The following CALD1 variants were observed in gnomAD, a reference collection of about 807,000 sequenced individuals.
The protein encoded by CALD1 is caldesmon 1.
CALD1 carries 33 observed loss-of-function variants against 99.9 expected under a neutral mutation model. The observed-to-expected ratio is 0.33, with a 90% CI of 0.25 to 0.44. The LOEUF (loss-of-function observed/expected upper bound fraction) is 0.44, where lower values mean the gene tolerates loss of function less well. Ranked by LOEUF, CALD1 falls within the 20% of genes least tolerant of loss-of-function variation. The probability of loss-of-function intolerance (pLI) is 1.00; values close to 1 mark genes in which losing one functional copy is unlikely to be tolerated. For synonymous variants in CALD1, 310 were observed against 325.0 expected (o/e 0.95, Z 0.50); for missense variants, 861 against 962.1 (o/e 0.89, Z 1.39).
At chr7:134,808,505 C>T (rs1038048056) in intron 1 of CALD1, among the ~76,000 whole-genome samples, 2 of 152,200 alleles carry the variant, frequency 1.3e-5, no homozygotes, top group Non-Finnish European at 2.9e-5. Flanking sequence ...GCAGAGCCAG[C>T]TCATGTTCTA....
intron 3 of CALD1, among the ~76,000 whole-genome samples, chr7:134,901,885 A>G (rs1442259088): frequency 2.6e-5 from 4 of 152,106 alleles, no homozygotes; most frequent in African/African-American, 9.7e-5. Flanking sequence ...GGCTCATCCT[A>G]ATGACCTCAT....
intron 2 of CALD1, among the ~76,000 whole-genome samples, chr7:134,857,486 A>G (rs1440658746): frequency 2.0e-5 from 3 of 151,990 alleles, no homozygotes; most frequent in East Asian, 3.9e-4. Context: ...GCAGGCCCCA[A>G]CTGTGAGCCA....
At chr7:134,965,571 T>A (rs1293037543) in intron 14 of CALD1, 185 bp downstream of exon 14, 1 of 511,610 alleles carries the variant, frequency 2.0e-6, no homozygotes, top group Non-Finnish European at 3.5e-6. Context: ...TTGTCAGTCA[T>A]ACAACATAAA....
chr7:134,943,347 A>G (rs1204878112), intron 7 of CALD1, among the ~76,000 whole-genome samples: 4 of 152,196 alleles, frequency 2.6e-5, no homozygotes, highest in Non-Finnish European at 4.4e-5. Context: ...CGATTTCCAC[A>G]TTAAGTGGCA....
intron 1 of CALD1, among the ~76,000 whole-genome samples, chr7:134,843,422 C>T (rs576533225): frequency 2.0e-4 from 31 of 152,158 alleles, no homozygotes; most frequent in Non-Finnish European, 3.4e-4. Context: ...AGTGACTCTG[C>T]CATTCATTTT....
intron 1 of CALD1, among the ~76,000 whole-genome samples, chr7:134,811,726 A>G (rs1185431381): frequency 6.6e-6 from 1 of 152,168 alleles, no homozygotes; most frequent in Non-Finnish European, 1.5e-5. Context: ...TAAACAAATT[A>G]TTGTAGGTGG....
At chr7:134,750,387 C>G (rs1037652067) in intron 1 of CALD1, among the ~76,000 whole-genome samples, 1 of 152,152 alleles carries the variant, frequency 6.6e-6, no homozygotes, top group South Asian at 2.1e-4. Context: ...GAGGTCACAA[C>G]TTTATAAGTG....
chr7:134,855,603 G>A (rs1212731955), intron 2 of CALD1, among the ~76,000 whole-genome samples: 1 of 152,224 alleles, frequency 6.6e-6, no homozygotes, highest in Admixed American at 6.5e-5. Context: ...CCACAGGGTT[G>A]ACTACTTGTA....
chr7:134,900,112 T>G (rs1467300163), intron 3 of CALD1: 1 of 151,400 alleles, frequency 6.6e-6, no homozygotes, highest in Non-Finnish European at 1.5e-5. Flanking sequence ...AGAAAATAAT[T>G]CCCTTTTGTC....
chr7:134,738,210 C>T, the CALD1 span, among the ~76,000 whole-genome samples: 236 of 152,286 alleles, frequency 1.5e-3, 1 homozygote, highest in Non-Finnish European at 2.9e-3. Flanking sequence ...TGACTCACTC[C>T]AATTCTGCGG....
chr7:134,921,992 A>G (rs1019975782), intron 3 of CALD1, among the ~76,000 whole-genome samples: 1 of 152,208 alleles, frequency 6.6e-6, no homozygotes, highest in African/African-American at 2.4e-5. Context: ...AAATGATGAA[A>G]ATAAAGGTAT....
chr7:134,901,978 G>T (rs1370383978), intron 3 of CALD1, among the ~76,000 whole-genome samples: 1 of 151,958 alleles, frequency 6.6e-6, no homozygotes, highest in African/African-American at 2.4e-5. Context: ...CATATATTTG[G>T]AGGTGGAGTA....
intron 1 of CALD1, among the ~76,000 whole-genome samples, chr7:134,753,575 C>T (rs1796703076): frequency 6.6e-6 from 1 of 152,196 alleles, no homozygotes; most frequent in Non-Finnish European, 1.5e-5. Context: ...TCTTAAAGCA[C>T]ACCAGGTAAG....
intron 7 of CALD1, among the ~76,000 whole-genome samples, chr7:134,945,029 T>C (rs552070221): frequency 6.6e-6 from 1 of 152,366 alleles, no homozygotes; most frequent in South Asian, 2.1e-4. Flanking sequence ...CATCTTTTTA[T>C]AGTTGTGTAA....
chr7:134,872,648 G>A (rs1224208204), intron 3 of CALD1, among the ~76,000 whole-genome samples: 1 of 152,056 alleles, frequency 6.6e-6, no homozygotes, highest in Non-Finnish European at 1.5e-5. Flanking sequence ...TATTCTAAGG[G>A]TATTAGTAAC....
At chr7:134,944,432 C>T (rs946547297) in intron 7 of CALD1, 1 of 149,768 alleles carries the variant, frequency 6.7e-6, no homozygotes, top group Non-Finnish European at 1.5e-5. Context: ...TTACAATCTA[C>T]TAAATTGATT....
intron 3 of CALD1, among the ~76,000 whole-genome samples, chr7:134,918,746 A>T (rs1804400332): frequency 1.3e-5 from 2 of 152,234 alleles, no homozygotes. Flanking sequence ...CCTGTAACCC[A>T]GAACTTTGGG....
chr7:134,877,179 GAAAAGC>G (rs1801391034), intron 3 of CALD1, among the ~76,000 whole-genome samples: 1 of 152,194 alleles, frequency 6.6e-6, no homozygotes, highest in African/African-American at 2.4e-5. Context: ...GGCGCTCTCA[GAAAAGC>G]CCTCTCTGGG....
At chr7:134,893,005 G>T (rs758723326) in intron 3 of CALD1, among the ~76,000 whole-genome samples, 2 of 152,120 alleles carry the variant, frequency 1.3e-5, no homozygotes, top group Admixed American at 1.3e-4. Context: ...CACAGGAAGG[G>T]CTTGCCCAGG....
Sources: allele counts gnomAD v4.1 joint callset (sites outside exome capture counted in the v4.1 genomes callset), GRCh38; gene constraint gnomAD v4.1.1; transcripts MANE v1.5; gene names NCBI Gene and HGNC (gene_info 2026-07-23, HGNC 2026-07-21).